The following ZDHHC21 variants were observed in gnomAD, a reference collection of about 807,000 sequenced individuals.
ZDHHC21 encodes palmitoyltransferase ZDHHC21.
Under a neutral mutation model 34.6 loss-of-function variants are expected in ZDHHC21, and 15 were observed. The observed-to-expected ratio is 0.43, with a 90% CI of 0.29 to 0.67. ZDHHC21 has a LOEUF of 0.67. Ranked by LOEUF, ZDHHC21 falls within the 30% of genes least tolerant of loss-of-function variation. The pLI, the probability that ZDHHC21 is intolerant of heterozygous loss-of-function variation, is 0.14. For missense variants in ZDHHC21, 344 were observed against 327.7 expected (o/e 1.05, Z -0.38); for synonymous variants, 142 against 101.8 (o/e 1.40, Z -2.38).
intron 8 of ZDHHC21, among the ~76,000 whole-genome samples, chr9:14,623,185 A>G (rs552169950): frequency 6.6e-6 from 1 of 151,922 alleles, no homozygotes; most frequent in African/African-American, 2.4e-5. Context: ...ATGAGATTAC[A>G]TCAAACAAAA....
intron 2 of ZDHHC21, among the ~76,000 whole-genome samples, chr9:14,689,015 C>T (rs1838776515): frequency 6.6e-6 from 1 of 152,120 alleles, no homozygotes; most frequent in Non-Finnish European, 1.5e-5. Context: ...GCACTGCACT[C>T]CAGCCTGGTC....
intron 8 of ZDHHC21, among the ~76,000 whole-genome samples, chr9:14,620,425 T>A (rs1339488351): frequency 6.6e-6 from 1 of 152,028 alleles, no homozygotes; most frequent in East Asian, 1.9e-4. Context: ...CAATCTTATT[T>A]TTAGATATTT....
intron 3 of ZDHHC21, among the ~76,000 whole-genome samples, chr9:14,679,497 A>C (rs1836998374): frequency 6.6e-6 from 1 of 152,202 alleles, no homozygotes. Context: ...CAGGAAGAAA[A>C]GACTGCAAGA....
In ZDHHC21 at chr9:14,616,018, T is replaced by C. The variant is rs943336141; in HGVS notation, c.*2948A>G. 1 of 151,472 alleles carries C rather than the reference T, an allele frequency of 6.6e-6. No homozygotes were observed. The highest frequency in any genetic ancestry group is 1.9e-4 in the East Asian group (1 of 5,160). The allele number at this position is 151,472 out of a possible 1,614,324, so 9.4% of individuals were successfully genotyped here. A position where few individuals can be genotyped will look rare whatever the true frequency, so the allele number is the denominator to read the frequency against. Reference sequence around the variant, plus strand: ...AAACTATAGATATAACTCTGCGAAATGTAAAAAAAAGAACAAAGAAAAGGA... The same window carrying C: ...AAACTATAGATATAACTCTGCGAAACGTAAAAAAAAGAACAAAGAAAAGGA... On this transcript the variant is annotated 3_prime_UTR_variant, in exon 10 of 10. Coordinates refer to ENST00000380916, the MANE Select transcript of ZDHHC21 (RefSeq NM_178566.6).
At chr9:14,683,979 A>T (rs540852095) in intron 2 of ZDHHC21, among the ~76,000 whole-genome samples, 19 of 152,380 alleles carry the variant, frequency 1.2e-4, no homozygotes, top group African/African-American at 4.3e-4. Flanking sequence ...GATGCAGAAA[A>T]GGCCTTTGAC....
At chr9:14,659,220 A>C (rs987797020) in intron 6 of ZDHHC21, among the ~76,000 whole-genome samples, 1 of 152,138 alleles carries the variant, frequency 6.6e-6, no homozygotes, top group African/African-American at 2.4e-5. Context: ...GAGGATGTAG[A>C]GTTAGAAGAC....
chr9:14,673,353 T>C (rs1260424700), intron 4 of ZDHHC21, among the ~76,000 whole-genome samples: 2 of 152,196 alleles, frequency 1.3e-5, no homozygotes, highest in East Asian at 3.9e-4. Context: ...GAATTAGTGA[T>C]GTTCAACTGT....
chr9:14,629,047 CT>C (rs1826834028), intron 8 of ZDHHC21, among the ~76,000 whole-genome samples: 1 of 152,252 alleles, frequency 6.6e-6, no homozygotes, highest in Non-Finnish European at 1.5e-5. Flanking sequence ...CTAAAAAGTA[CT>C]CGTATTCAAG....
chr9:14,681,525 C>A (rs1279711973), intron 2 of ZDHHC21, among the ~76,000 whole-genome samples: 2 of 152,106 alleles, frequency 1.3e-5, no homozygotes, highest in African/African-American at 4.8e-5. Flanking sequence ...CAGTGGAAAA[C>A]CACTGAGGGA....
rs199903674 is a variant in ZDHHC21, at chr9:14,619,045, C to T, written c.719G>A (p.Arg240His). 1.5e-4 allele frequency: 236 copies of T among 1,612,140 alleles called. No homozygotes were observed. Among genetic ancestry groups the T allele is most frequent in the Middle Eastern group, 3.3e-4 (2 of 6,056 alleles). The part of the protein sequence containing the change: ...QQTFSEVFGT[R>H]WKILWFIPFR... ...AGGAATGAACCACAGGATCTTCCAA[C>T]GAGTGCCAAAAACTTCTGAGAAGGT... The change falls in exon 10 of 10, where the codon CGT becomes CAT. Residue 240 changes from arginine to histidine, a missense_variant. Arg to His is a conservative substitution (Grantham distance 29). Coordinates refer to ENST00000380916, the MANE Select transcript of ZDHHC21 (RefSeq NM_178566.6).
chr9:14,661,396 T>C (rs1587253388), intron 6 of ZDHHC21, among the ~76,000 whole-genome samples: 2 of 152,314 alleles, frequency 1.3e-5, no homozygotes, highest in East Asian at 3.9e-4. Context: ...ATTATGTAAA[T>C]TTGCATATAT....
intron 8 of ZDHHC21, among the ~76,000 whole-genome samples, chr9:14,625,903 T>A (rs187527785): frequency 4.6e-4 from 70 of 152,064 alleles, no homozygotes; most frequent in African/African-American, 1.5e-3. Context: ...GTATCTATTA[T>A]GACACAGTCC....
Position 14,611,154 on chromosome 9 carries a change from A to G in ZDHHC21, c.*7812T>C, listed in dbSNP as rs1045892474. 1 of 152,162 alleles carries G rather than the reference A, an allele frequency of 6.6e-6. No individual in the cohort carries two copies. The highest frequency in any genetic ancestry group is 1.5e-5 in the Non-Finnish European group (1 of 67,926). The allele number at this position is 152,162 out of a possible 1,614,324, so 9.4% of individuals were successfully genotyped here. A position where few individuals can be genotyped will look rare whatever the true frequency, so the allele number is the denominator to read the frequency against. On this transcript the variant is annotated 3_prime_UTR_variant, in exon 10 of 10. Transcript: ENST00000380916. ...CATTTTGAGAAGTAAAAATTCCACA[A>G]TTTAAATTAAAAACAATCTGCAAAG... is the stretch of plus-strand genomic sequence containing the variant.
chr9:14,663,765 T>G (rs1201691585), intron 5 of ZDHHC21, among the ~76,000 whole-genome samples: 1 of 152,202 alleles, frequency 6.6e-6, no homozygotes, highest in African/African-American at 2.4e-5. Context: ...GAAATCTTAT[T>G]TTAAAAGAAA....
chr9:14,598,359 G>A, the ZDHHC21 span, among the ~76,000 whole-genome samples: 173 of 152,224 alleles, frequency 1.1e-3, 1 homozygote, highest in East Asian at 0.017. Context: ...TACACCCATA[G>A]AAATAATACG....
chr9:14,619,681 T>G lies in ZDHHC21; in HGVS notation c.623A>C (p.Asp208Ala). Reference protein sequence around the residue: ...FYTQLIGIITDTTSIEKMSNC... With the variant: ...FYTQLIGIITATTSIEKMSNC... ...TGACATCTTTTCAATAGATGTTGTATCCTATTAAAAATAAAAAATTATATT... is the reference window on the plus strand; with the variant it reads ...TGACATCTTTTCAATAGATGTTGTAGCCTATTAAAAATAAAAAATTATATT... The change falls in exon 9 of 10, where the codon GAT (aspartate) becomes GCT (alanine). Residue 208 changes from aspartate to alanine, a missense_variant and splice_region_variant. Coordinates refer to ENST00000380916, the MANE Select transcript of ZDHHC21 (RefSeq NM_178566.6). 1 of 1,376,268 alleles carries G rather than the reference T, an allele frequency of 7.3e-7. No homozygotes were observed. Among genetic ancestry groups the G allele is most frequent in the Non-Finnish European group, 1.0e-6 (1 of 999,904 alleles). The allele number at this position is 1,376,268 out of a possible 1,614,324, so 85.3% of individuals were successfully genotyped here.
chr9:14,645,324 G>A lies in ZDHHC21; in HGVS notation c.505-5312C>T, dbSNP rs770789045. 2.6e-5 allele frequency among the ~76,000 whole-genome samples: 4 copies of A among 152,120 alleles called. No homozygotes were observed. In the Middle Eastern group the frequency reaches 0.01, roughly 391 times the overall value. ...CACACACACATATGAATCATGATTAGGAGAAAGATGGCACTACAGAGTGGA... is the reference window on the plus strand; with the variant it reads ...CACACACACATATGAATCATGATTAAGAGAAAGATGGCACTACAGAGTGGA... On this transcript the variant is annotated intron_variant, in intron 7 of 9. Coordinates refer to ENST00000380916, the MANE Select transcript of ZDHHC21 (RefSeq NM_178566.6).
chr9:14,662,941 T>C (rs891832396), intron 5 of ZDHHC21, among the ~76,000 whole-genome samples: 1 of 152,144 alleles, frequency 6.6e-6, no homozygotes, highest in East Asian at 1.9e-4. Context: ...GTTTCAGTAG[T>C]GAAAAATGTT....
At chr9:14,655,517 T>C in intron 7 of ZDHHC21, among the ~76,000 whole-genome samples, 1 of 151,988 alleles carries the variant, frequency 6.6e-6, no homozygotes, top group Non-Finnish European at 1.5e-5. Context: ...ATGTGATTTT[T>C]TTCTACATCT....
Sources: gnomAD v4.1 joint callset for allele counts (sites outside exome capture counted in the v4.1 genomes callset) on GRCh38, gnomAD v4.1.1 for gene constraint, MANE v1.5 for transcripts, NCBI Gene and HGNC (gene_info 2026-07-23, HGNC 2026-07-21) for gene names.